The following CNOT1 variants were observed in gnomAD, a reference collection of about 807,000 sequenced individuals.
CNOT1 encodes the protein CCR4-associated factor 1.
A neutral mutation model predicts 273.8 loss-of-function variants in CNOT1; 15 were observed. That is an observed-to-expected ratio of 0.05 (90% CI 0.04 to 0.08). CNOT1 has a LOEUF of 0.08. Among genes scored for constraint, CNOT1 ranks in the 10% least tolerant of loss-of-function variants. The pLI, the probability that CNOT1 is intolerant of heterozygous loss-of-function variation, is 1.00. For synonymous variants in CNOT1, 1,022 were observed against 1,005.5 expected (o/e 1.02, Z -0.31); for missense variants, 1,644 against 2,912.2 (o/e 0.56, Z 10.02).
At position 58,593,983 on chromosome 16, in the gene CNOT1, G is replaced by A. The variant is rs373757003; in HGVS notation, c.103-5077C>T. On this transcript the variant is annotated intron_variant, in intron 2 of 48. Transcript: ENST00000317147. ...GGCAAGGCCAGGCATGGTGGCTCAC[G>A]CCTGTAATCCCAGCACTTTGGGAGG... Among the ~76,000 whole-genome samples, 10 of 152,206 alleles carry A rather than the reference G, an allele frequency of 6.6e-5. 1 individual carries two copies. In the South Asian group the frequency reaches 2.1e-3, roughly 32 times the overall value.
intron 19 of CNOT1, among the ~76,000 whole-genome samples, chr16:58,556,586 T>C (rs993766646): frequency 1.3e-5 from 2 of 152,246 alleles, no homozygotes; most frequent in Admixed American, 6.5e-5. Context: ...TACATTCGTA[T>C]ATCTACCACA....
In CNOT1 at chr16:58,551,659, G is replaced by A; in HGVS notation, c.3131C>T (p.Thr1044Ile). The part of the protein sequence containing the change: ...GQVSTMVTTS[T>I]TTTVAKTVTV... Reference sequence around the variant, plus strand: ...AACCGTTTTAGCAACAGTGGTAGTTGTTGAGGTGGTTACCATAGTGCTAAC... The same window carrying A: ...AACCGTTTTAGCAACAGTGGTAGTTATTGAGGTGGTTACCATAGTGCTAAC... The change falls in exon 23 of 49, where the codon ACA (threonine) becomes ATA (isoleucine). Residue 1044 changes from threonine (T) to isoleucine (I), a missense_variant. Thr to Ile is a moderately conservative substitution (Grantham distance 89). Coordinates refer to ENST00000317147, the MANE Select transcript of CNOT1 (RefSeq NM_016284.5). The A allele has an allele frequency of 6.2e-7, 1 of 1,614,224 alleles. No individual in the cohort carries two copies. Among genetic ancestry groups the A allele is most frequent in the African/African-American group, 1.3e-5 (1 of 75,062 alleles).
intron 16 of CNOT1, among the ~76,000 whole-genome samples, chr16:58,563,196 C>T (rs2040921616): frequency 6.6e-6 from 1 of 152,122 alleles, no homozygotes; most frequent in East Asian, 1.9e-4. Context: ...ACCACATATA[C>T]AATGGTTGTC....
In CNOT1 at chr16:58,520,082, T is replaced by A. The variant is rs1054255039; in HGVS notation, c.*876A>T. 6.6e-6 allele frequency: 1 copy of A among 152,206 alleles called. No homozygotes were observed. The highest frequency in any genetic ancestry group is 2.4e-5 in the African/African-American group (1 of 41,452). The allele number at this position is 152,206 out of a possible 1,614,324, so 9.4% of individuals were successfully genotyped here. ...ATTTGCAAAACATTCAAAATCCTTA[T>A]AAAAGGGGCTGTATTGGTCCTTTCA... On this transcript the variant is annotated 3_prime_UTR_variant, in exon 49 of 49. Transcript: ENST00000317147.
At chr16:58,607,465 C>T (rs1489189168) in intron 1 of CNOT1, among the ~76,000 whole-genome samples, 2 of 151,986 alleles carry the variant, frequency 1.3e-5, no homozygotes, top group African/African-American at 4.8e-5. Context: ...AAGGTGGCCA[C>T]GGCTGCAATC....
Position 58,546,493 on chromosome 16 carries a change from G to A in CNOT1, c.3834C>T (p.Asn1278=). ...ELHQEHDLKL[N]LKFEIEVLCK... ...AGAGAACCTCGATTTCAAACTTCAA[G>A]TTTAACTGCACAGTTCCAGAGTTGG... The change falls in exon 29 of 49, where the codon AAC becomes AAT. Residue 1278 remains asparagine (N), a synonymous_variant. Coordinates refer to ENST00000317147, the MANE Select transcript of CNOT1 (RefSeq NM_016284.5). 1 of 1,613,348 alleles carries A rather than the reference G, an allele frequency of 6.2e-7. No individual in the cohort carries two copies. Among genetic ancestry groups the A allele is most frequent in the Non-Finnish European group, 8.5e-7 (1 of 1,179,794 alleles).
intron 1 of CNOT1, among the ~76,000 whole-genome samples, chr16:58,628,240 C>T (rs1485220746): frequency 2.0e-5 from 3 of 152,180 alleles, no homozygotes. Context: ...GCACAGCTAG[C>T]CACCTAAAAC....
intron 1 of CNOT1, among the ~76,000 whole-genome samples, chr16:58,605,984 C>T (rs2042663064): frequency 6.6e-6 from 1 of 152,100 alleles, no homozygotes; most frequent in Admixed American, 6.6e-5. Context: ...AGTCTTCTCA[C>T]AGCACTTCTC....
At chr16:58,549,984 A>G (rs1324013466) in intron 24 of CNOT1, 86 bp from the exon 25 acceptor site, 2 of 1,556,810 alleles carry the variant, frequency 1.3e-6, no homozygotes, top group Admixed American at 2.3e-5. Context: ...TATACAGCAC[A>G]TGGCTCCTTG....
intron 16 of CNOT1, 149 bp downstream of exon 16, chr16:58,574,460 T>A: frequency 1.6e-6 from 1 of 621,012 alleles, no homozygotes. Flanking sequence ...GGATCTAGTA[T>A]GTATCATAAA....
At position 58,526,145 on chromosome 16, in the gene CNOT1, C is replaced by T. The variant is rs1366795012; in HGVS notation, c.6454-7G>A. ...TTTCACTCAACATGTCCACCTGCCA[C>T]AGATAAAATGCAAGAATCACAAGCA... On this transcript the variant is annotated splice_region_variant and splice_polypyrimidine_tract_variant and intron_variant, in intron 44 of 48. Transcript: ENST00000317147. 6.2e-7 allele frequency: 1 copy of T among 1,613,696 alleles called. No individual in the cohort carries two copies. Among genetic ancestry groups the T allele is most frequent in the East Asian group, 2.2e-5 (1 of 44,852 alleles).
chr16:58,585,229 T>C (rs1032951520), intron 8 of CNOT1, 109 bp downstream of exon 8: 40 of 1,498,750 alleles, frequency 2.7e-5, no homozygotes, highest in Non-Finnish European at 3.1e-5. Context: ...AGCATGCCTC[T>C]TGAGAAGAAA....
chr16:58,588,285 T>C (rs2041943035), intron 3 of CNOT1, among the ~76,000 whole-genome samples: 1 of 151,736 alleles, frequency 6.6e-6, no homozygotes, highest in Non-Finnish European at 1.5e-5. Context: ...AGAGACTCTG[T>C]CTCAAAAACA....
In CNOT1 at chr16:58,532,777, T is replaced by A. The variant is rs1277850154; in HGVS notation, c.5896-382A>T. 1.8e-5 allele frequency: 3 copies of A among 171,322 alleles called. No individual in the cohort carries two copies. The East Asian group carries it at 4.6e-4, about 26-fold the overall frequency. The allele number at this position is 171,322 out of a possible 1,614,324, so 10.6% of individuals were successfully genotyped here. The stretch of plus-strand genomic sequence containing the variant: ...GAATGATTTACTCCTATCTTGGCAT[T>A]TAGTAGGCAGGGGCCAGGAAAGCTG... On this transcript the variant is annotated intron_variant, in intron 40 of 48. Coordinates refer to ENST00000317147, the MANE Select transcript of CNOT1 (RefSeq NM_016284.5).
chr16:58,606,827 T>C (rs1363542210), intron 1 of CNOT1, among the ~76,000 whole-genome samples: 1 of 151,924 alleles, frequency 6.6e-6, no homozygotes, highest in African/African-American at 2.4e-5. Context: ...AAAAAAAGAT[T>C]ATCTTCATAC....
At position 58,594,684 on chromosome 16, in the gene CNOT1, C is replaced by A. The variant is rs147738366; in HGVS notation, c.102+4552G>T. Among the ~76,000 whole-genome samples the A allele has an allele frequency of 7.8e-3, 1,181 of 151,840 alleles. 7 individuals carry two copies. Among genetic ancestry groups the A allele is most frequent in the Non-Finnish European group, 0.012 (827 of 67,956 alleles). Reference sequence around the variant, plus strand: ...AGATGTGGTGGTGCACGCCTGTAATCCCAGCTACTGGGGAGGGAGAGGCTT... The same window carrying A: ...AGATGTGGTGGTGCACGCCTGTAATACCAGCTACTGGGGAGGGAGAGGCTT... On this transcript the variant is annotated intron_variant, in intron 2 of 48. Coordinates refer to ENST00000317147, the MANE Select transcript of CNOT1 (RefSeq NM_016284.5).
rs1433865298 is a variant in CNOT1 at position 58,538,783 on chromosome 16, T to C, written c.5124A>G (p.Lys1708=). The C allele has an allele frequency of 6.2e-7, 1 of 1,612,610 alleles. No individual in the cohort carries two copies. Among genetic ancestry groups the C allele is most frequent in the East Asian group, 2.2e-5 (1 of 44,860 alleles). The stretch of plus-strand genomic sequence containing the variant: ...AGATGGCTACTGACCTTGTGATCTG[T>C]TTGTTGCACCATGGAGACCCATATG... ...GRAYGSPWCN[K]QITRCLIECR... The change falls in exon 36 of 49, where the codon AAA becomes AAG. Residue 1708 remains lysine, a synonymous_variant. Coordinates refer to ENST00000317147, the MANE Select transcript of CNOT1 (RefSeq NM_016284.5).
At chr16:58,582,665 T>C (rs1016435408) in intron 10 of CNOT1, 128 bp downstream of exon 10, 23 of 640,652 alleles carry the variant, frequency 3.6e-5, no homozygotes, top group African/African-American at 9.1e-5. Flanking sequence ...CTGCCTGCAG[T>C]ACACAATTAA....
chr16:58,602,987 C>G (rs892720342), intron 1 of CNOT1, among the ~76,000 whole-genome samples: 1 of 152,162 alleles, frequency 6.6e-6, no homozygotes, highest in Non-Finnish European at 1.5e-5. Flanking sequence ...TAAACTTACT[C>G]AGGCCAAAAT....
Sources: allele counts gnomAD v4.1 joint callset (sites outside exome capture counted in the v4.1 genomes callset), GRCh38; gene constraint gnomAD v4.1.1; transcripts MANE v1.5; gene names NCBI Gene and HGNC (gene_info 2026-07-23, HGNC 2026-07-21).